Variants in RPRD1A observed in about 807,000 individuals in gnomAD.
The protein encoded by RPRD1A is regulation of nuclear pre-mRNA domain-containing protein 1A.
Under a neutral mutation model 37.8 loss-of-function variants are expected in RPRD1A, and 9 were observed. That is an observed-to-expected ratio of 0.24 (90% confidence interval 0.14 to 0.42). RPRD1A has a LOEUF of 0.42. RPRD1A is among the 10% of genes least tolerant of loss of function. The pLI, the probability that RPRD1A is intolerant of heterozygous loss-of-function variation, is 1.00. For synonymous variants in RPRD1A, 138 were observed against 139.7 expected (o/e 0.99, Z 0.08); for missense variants, 255 against 371.0 (o/e 0.69, Z 2.57).
intron 1 of RPRD1A, among the ~76,000 whole-genome samples, chr18:36,034,096 A>G (rs1224470113): frequency 1.3e-5 from 2 of 152,122 alleles, no homozygotes; most frequent in Admixed American, 1.3e-4. Context: ...AAACTATATG[A>G]AATATAGTCA....
rs188961553 is a variant in RPRD1A, at chr18:36,025,630, A to T, written c.789+1270T>A. On this transcript the variant is annotated intron_variant, in intron 6 of 6. Transcript: ENST00000399022. ...TTGATATTTATTTTTAGCAGGAAGAATATACTAATGGTGACGACATCGTTA... is the reference window on the plus strand; with the variant it reads ...TTGATATTTATTTTTAGCAGGAAGATTATACTAATGGTGACGACATCGTTA... The T allele has an allele frequency of 2.2e-5, 28 of 1,288,788 alleles. No individual in the cohort carries two copies. In the Admixed American group the frequency reaches 5.3e-4, roughly 24 times the overall value. The allele number at this position is 1,288,788 out of a possible 1,614,324, so 79.8% of individuals were successfully genotyped here.
intron 6 of RPRD1A, among the ~76,000 whole-genome samples, chr18:35,995,632 G>T (rs1451035951): frequency 2.0e-5 from 3 of 152,150 alleles, no homozygotes; most frequent in Admixed American, 1.3e-4. Flanking sequence ...TTTGAAAAAG[G>T]TTCACCTACA....
rs189440994 is a variant in RPRD1A at position 36,024,178 on chromosome 18, G to A, written c.789+2722C>T. ...ACGCGCACGCGCGTGATGGAGTCTC[G>A]GTCTGTCGCCCAGTCTGGAGGGCAG... On this transcript the variant is annotated intron_variant, in intron 6 of 6. Coordinates refer to ENST00000399022, the MANE Select transcript of RPRD1A (RefSeq NM_018170.5). Among the ~76,000 whole-genome samples, 481 of 151,782 alleles carry A rather than the reference G, an allele frequency of 3.2e-3. 1 individual carries two copies. The highest frequency in any genetic ancestry group is 5.6e-3 in the Non-Finnish European group (378 of 67,918).
At chr18:36,045,192 A>T (rs1367524718) in intron 1 of RPRD1A, among the ~76,000 whole-genome samples, 1 of 152,156 alleles carries the variant, frequency 6.6e-6, no homozygotes, top group East Asian at 1.9e-4. Context: ...GTGAGCCAAG[A>T]TCGCACCACT....
At position 36,031,016 on chromosome 18, in the gene RPRD1A, T is replaced by C. The variant is rs752598754; in HGVS notation, c.363A>G (p.Val121=). 12 of 1,599,226 alleles carry C rather than the reference T, an allele frequency of 7.5e-6. No individual in the cohort carries two copies. Among genetic ancestry groups the C allele is most frequent in the South Asian group, 1.1e-5 (1 of 87,462 alleles). The change falls in exon 3 of 7, where the codon GTA becomes GTG. Residue 121 remains valine (V), a synonymous_variant. Coordinates refer to ENST00000399022, the MANE Select transcript of RPRD1A (RefSeq NM_018170.5). ...ACAGAGCTTGTTTAAGTTGTTCTAA[T>C]ACATCATTTTCATAAACAGACCTTT... The part of the protein sequence containing the change: ...WEERSVYEND[V]LEQLKQALYG...
At chr18:36,005,328 A>G (rs1483943055) in intron 6 of RPRD1A, among the ~76,000 whole-genome samples, 1 of 152,128 alleles carries the variant, frequency 6.6e-6, no homozygotes, top group Non-Finnish European at 1.5e-5. Flanking sequence ...AAAAAACTGC[A>G]TATTTGCAAC....
chr18:36,046,660 C>T (rs976931506), intron 1 of RPRD1A, among the ~76,000 whole-genome samples: 13 of 151,334 alleles, frequency 8.6e-5, no homozygotes, highest in East Asian at 1.9e-4. Flanking sequence ...GGTGAAACCC[C>T]GTCTTCACAG....
intron 1 of RPRD1A, among the ~76,000 whole-genome samples, chr18:36,062,301 G>C (rs1451941558): frequency 1.5e-5 from 2 of 135,126 alleles, no homozygotes; most frequent in Admixed American, 8.0e-5. Context: ...TCCGGCCTGG[G>C]CGACAGAGCG....
chr18:36,048,643 TA>T (rs756604231), intron 1 of RPRD1A, among the ~76,000 whole-genome samples: 5,558 of 116,020 alleles, frequency 0.048, 302 homozygotes, highest in African/African-American at 0.15. Context: ...AAAAAGCACC[TA>T]AAAAAAAAAA....
In RPRD1A at chr18:36,012,665, G is replaced by A. The variant is rs141843306; in HGVS notation, c.789+14235C>T. Among the ~76,000 whole-genome samples the A allele has an allele frequency of 2.4e-4, 37 of 152,328 alleles. No individual in the cohort carries two copies. In the East Asian group the frequency reaches 6.4e-3, roughly 26 times the overall value. On this transcript the variant is annotated intron_variant, in intron 6 of 6. Coordinates refer to ENST00000399022, the MANE Select transcript of RPRD1A (RefSeq NM_018170.5). ...TTCTCAGAATGTATCCCATCGTTAA[G>A]TGACACATGAATATATACAGTGTAT...
chr18:36,015,764 T>C (rs987768574), intron 6 of RPRD1A, among the ~76,000 whole-genome samples: 3 of 152,258 alleles, frequency 2.0e-5, no homozygotes, highest in South Asian at 2.1e-4. Flanking sequence ...GTATCCGGAA[T>C]AGCCAAATTC....
chr18:36,055,629 G>A (rs145142384), intron 1 of RPRD1A, among the ~76,000 whole-genome samples: 6 of 152,104 alleles, frequency 3.9e-5, no homozygotes, highest in South Asian at 2.1e-4. Flanking sequence ...TTCAGATACC[G>A]TAACAAATTA....
At position 35,990,005 on chromosome 18, in the gene RPRD1A, A is replaced by C. The variant is rs1408205566; in HGVS notation, c.*3146T>G. The C allele has an allele frequency of 1.3e-5, 2 of 152,234 alleles. No individual in the cohort carries two copies. Among genetic ancestry groups the C allele is most frequent in the African/African-American group, 4.8e-5 (2 of 41,464 alleles). The allele number at this position is 152,234 out of a possible 1,614,324, so 9.4% of individuals were successfully genotyped here. A position where few individuals can be genotyped will look rare whatever the true frequency, so the allele number is the denominator to read the frequency against. ...TTGGCAACAAATGCTCTGTATAAAT[A>C]ATTCATTAAGTAACACAATGTTTCC... On this transcript the variant is annotated 3_prime_UTR_variant, in exon 7 of 7. Coordinates refer to ENST00000399022, the MANE Select transcript of RPRD1A (RefSeq NM_018170.5).
At chr18:36,021,323 TGTCA>T (rs1204420011) in intron 6 of RPRD1A, among the ~76,000 whole-genome samples, 1 of 148,482 alleles carries the variant, frequency 6.7e-6, no homozygotes, top group Non-Finnish European at 1.5e-5. Flanking sequence ...CTTAAGTGTC[TGTCA>T]AATTTTGGTA....
intron 6 of RPRD1A, among the ~76,000 whole-genome samples, chr18:36,004,000 C>CT (rs34397005): frequency 0.045 from 3,835 of 85,186 alleles, 299 homozygotes; most frequent in African/African-American, 0.081. Context: ...CAGACACAGA[C>CT]TTTTTTTTTT....
intron 6 of RPRD1A, among the ~76,000 whole-genome samples, chr18:36,017,191 TC>T (rs1273033882): frequency 6.6e-6 from 1 of 152,038 alleles, no homozygotes; most frequent in Non-Finnish European, 1.5e-5. Flanking sequence ...TCGCCTGTAG[TC>T]CCAGCTACTC....
chr18:36,066,228 C>T (rs2144449155), intron 1 of RPRD1A, among the ~76,000 whole-genome samples: 1 of 152,312 alleles, frequency 6.6e-6, no homozygotes, highest in East Asian at 1.9e-4. Context: ...AAACAATATA[C>T]AAGGACAGAT....
intron 6 of RPRD1A, among the ~76,000 whole-genome samples, chr18:36,015,131 T>TACATACAC (rs1910428498): frequency 8.1e-6 from 1 of 122,894 alleles, no homozygotes; most frequent in African/African-American, 3.1e-5. Context: ...GGGTCTCACA[T>TACATACAC]ACACACACAC....
At chr18:36,037,085 G>C (rs536724194) in intron 1 of RPRD1A, among the ~76,000 whole-genome samples, 1 of 152,224 alleles carries the variant, frequency 6.6e-6, no homozygotes, top group African/African-American at 2.4e-5. Flanking sequence ...ATACAAATTG[G>C]CAGATGATAG....
Sources: gnomAD v4.1 joint callset for allele counts (sites outside exome capture counted in the v4.1 genomes callset) on GRCh38, gnomAD v4.1.1 for gene constraint, MANE v1.5 for transcripts, NCBI Gene and HGNC (gene_info 2026-07-23, HGNC 2026-07-21) for gene names.